The following EYS variants were observed in gnomAD, a reference collection of about 807,000 sequenced individuals.
EYS encodes the protein EGF-like photoreceptor maintenance factor.
Under a neutral mutation model 282.1 loss-of-function variants are expected in EYS, and 250 were observed. The observed-to-expected ratio is 0.89, with a 90% CI of 0.80 to 0.98. The LOEUF (loss-of-function observed/expected upper bound fraction) is 0.98. Ranked by LOEUF, EYS falls within the 50% of genes least tolerant of loss-of-function variation. EYS has a pLI of 0.00. For missense variants in EYS, 4,016 were observed against 3,709.0 expected (o/e 1.08, Z -2.15); for synonymous variants, 1,355 against 1,282.9 (o/e 1.06, Z -1.20).
At chr6:65,368,390 T>C (rs948092684) in intron 8 of EYS, among the ~76,000 whole-genome samples, 6 of 151,706 alleles carry the variant, frequency 4.0e-5, no homozygotes, top group African/African-American at 1.4e-4. Context: ...CTTTGATTTC[T>C]ATTAATCTTC....
chr6:64,012,597 C>A (rs1450604636), intron 33 of EYS, among the ~76,000 whole-genome samples: 3 of 152,196 alleles, frequency 2.0e-5, no homozygotes, highest in Non-Finnish European at 4.4e-5. Flanking sequence ...ATGGGTGAAA[C>A]TGTCCAGAGA....
chr6:65,544,782 G>T (rs1288127879), intron 2 of EYS, among the ~76,000 whole-genome samples: 1 of 152,042 alleles, frequency 6.6e-6, no homozygotes, highest in Non-Finnish European at 1.5e-5. Context: ...TCATGCCAGT[G>T]ATCTAAACAG....
chr6:64,595,710 A>T (rs1216081502), intron 24 of EYS, among the ~76,000 whole-genome samples: 1 of 152,214 alleles, frequency 6.6e-6, no homozygotes, highest in Non-Finnish European at 1.5e-5. Flanking sequence ...AAAGAAATAC[A>T]TAGGAATAAA....
intron 22 of EYS, among the ~76,000 whole-genome samples, chr6:64,756,471 A>G (rs1310944875): frequency 2.0e-5 from 3 of 152,196 alleles, no homozygotes; most frequent in Non-Finnish European, 1.5e-5. Flanking sequence ...GCCTGGTTTC[A>G]GATACCTTAG....
intron 12 of EYS, among the ~76,000 whole-genome samples, chr6:65,258,985 AAAAT>A (rs930328020): frequency 2.0e-5 from 3 of 152,118 alleles, no homozygotes; most frequent in Non-Finnish European, 2.9e-5. Context: ...TACAGAAGAA[AAAAT>A]AAATAAACTT....
chr6:65,402,742 T>G, intron 6 of EYS, 137 bp from the exon 7 acceptor site: 1 of 588,520 alleles, frequency 1.7e-6, no homozygotes, highest in Non-Finnish European at 3.0e-6. Context: ...ATGTGGCAGA[T>G]TCTATTTTCC....
At chr6:65,224,874 C>T (rs1766579235) in intron 12 of EYS, among the ~76,000 whole-genome samples, 1 of 152,020 alleles carries the variant, frequency 6.6e-6, no homozygotes, top group African/African-American at 2.4e-5. Flanking sequence ...GGAAGAAATG[C>T]AAAATCTGTC....
chr6:64,219,823 CA>C (rs1463097679), intron 31 of EYS, among the ~76,000 whole-genome samples: 1 of 152,156 alleles, frequency 6.6e-6, no homozygotes, highest in Non-Finnish European at 1.5e-5. Context: ...AAATGTAGCA[CA>C]TATACACCAT....
chr6:65,251,394 TTA>T (rs1332318709), intron 12 of EYS, among the ~76,000 whole-genome samples: 2 of 151,536 alleles, frequency 1.3e-5, no homozygotes, highest in Non-Finnish European at 2.9e-5. Flanking sequence ...AAAATTTTAA[TTA>T]TAGAGAAAAA....
chr6:64,097,224 G>C (rs529037263), intron 31 of EYS, among the ~76,000 whole-genome samples: 87 of 152,330 alleles, frequency 5.7e-4, no homozygotes, highest in Middle Eastern at 3.4e-3. Flanking sequence ...GAGGCAGTCT[G>C]TTCCGTTCTC....
chr6:64,740,266 T>A (rs1772327480), intron 22 of EYS, among the ~76,000 whole-genome samples: 1 of 152,196 alleles, frequency 6.6e-6, no homozygotes, highest in Non-Finnish European at 1.5e-5. Context: ...ATTCTATTGT[T>A]TCTACTATAT....
At chr6:64,095,721 G>C (rs185924996) in intron 31 of EYS, among the ~76,000 whole-genome samples, 3 of 152,162 alleles carry the variant, frequency 2.0e-5, no homozygotes, top group Non-Finnish European at 4.4e-5. Context: ...TTGCCAGGCT[G>C]TGTCTTTTAA....
At chr6:65,693,398 T>C (rs1246502338) in intron 1 of EYS, among the ~76,000 whole-genome samples, 3 of 117,276 alleles carry the variant, frequency 2.6e-5, no homozygotes, top group African/African-American at 6.3e-5. Flanking sequence ...TCTTCTTTTT[T>C]CCTTTCTTTT....
chr6:64,408,729 A>C (rs1773798506), intron 28 of EYS, among the ~76,000 whole-genome samples: 1 of 152,152 alleles, frequency 6.6e-6, no homozygotes, highest in Admixed American at 6.5e-5. Flanking sequence ...TAAACTCTGA[A>C]ATTATACCAT....
At chr6:65,136,819 C>T (rs1776034856) in intron 12 of EYS, among the ~76,000 whole-genome samples, 1 of 151,874 alleles carries the variant, frequency 6.6e-6, no homozygotes, top group Non-Finnish European at 1.5e-5. Context: ...TTAAGTGGGA[C>T]CACATGTGCA....
chr6:64,810,715 C>T (rs923931397), intron 22 of EYS, among the ~76,000 whole-genome samples: 1 of 151,938 alleles, frequency 6.6e-6, no homozygotes, highest in Non-Finnish European at 1.5e-5. Context: ...AAATAGTTTT[C>T]CTTGCAAGTA....
At chr6:65,302,291 G>A (rs1768864851) in intron 11 of EYS, among the ~76,000 whole-genome samples, 1 of 152,168 alleles carries the variant, frequency 6.6e-6, no homozygotes, top group South Asian at 2.1e-4. Flanking sequence ...ATTAATTCAT[G>A]GATTGAGTGT....
intron 30 of EYS, among the ~76,000 whole-genome samples, chr6:64,288,964 A>G (rs899743281): frequency 1.3e-5 from 2 of 151,998 alleles, no homozygotes; most frequent in Non-Finnish European, 2.9e-5. Context: ...AAAACCTCCT[A>G]TCTGGTTTTC....
intron 26 of EYS, among the ~76,000 whole-genome samples, chr6:64,495,105 G>T (rs1337514): frequency 0.41 from 62,721 of 151,348 alleles, 13,546 homozygotes; most frequent in African/African-American, 0.56. Context: ...CTGAATAAAT[G>T]TTTATATTAT....
Sources: gnomAD v4.1 joint callset for allele counts (sites outside exome capture counted in the v4.1 genomes callset) on GRCh38, gnomAD v4.1.1 for gene constraint, MANE v1.5 for transcripts, NCBI Gene and HGNC (gene_info 2026-07-23, HGNC 2026-07-21) for gene names.